The following LRRC4C variants were observed in gnomAD, a reference collection of about 807,000 sequenced individuals.
LRRC4C encodes leucine-rich repeat-containing protein 4C.
In LRRC4C, 5 loss-of-function variants were observed where a neutral mutation model predicts 33.6. That is an observed-to-expected ratio of 0.15 (90% CI 0.08 to 0.31). The LOEUF (loss-of-function observed/expected upper bound fraction) is 0.31. Among genes scored for constraint, LRRC4C ranks in the 10% least tolerant of loss-of-function variants. The pLI, the probability that LRRC4C is intolerant of heterozygous loss-of-function variation, is 1.00. For synonymous variants in LRRC4C, 329 were observed against 302.0 expected, an observed-to-expected ratio of 1.09 and a Z score of -0.93; for missense variants, 560 against 796.7, an observed-to-expected ratio of 0.70 and a Z score of 3.58.
intron 3 of LRRC4C, among the ~76,000 whole-genome samples, chr11:40,547,685 C>T (rs1358636809): frequency 6.6e-6 from 1 of 152,040 alleles, no homozygotes; most frequent in Non-Finnish European, 1.5e-5. Context: ...TGAACTTAAA[C>T]ACCCTATAGG....
intron 2 of LRRC4C, among the ~76,000 whole-genome samples, chr11:40,662,321 T>C (rs546404442): frequency 1.3e-5 from 2 of 152,156 alleles, no homozygotes; most frequent in African/African-American, 4.8e-5. Flanking sequence ...CAGGAATGCA[T>C]GTGGACACTC....
At chr11:40,592,136 G>C (rs1959087663) in intron 3 of LRRC4C, among the ~76,000 whole-genome samples, 1 of 152,238 alleles carries the variant, frequency 6.6e-6, no homozygotes, top group Admixed American at 6.5e-5. Context: ...AACCCAGAAA[G>C]CAGCCCTCCC....
At chr11:41,448,504 C>T (rs1435768259) in intron 1 of LRRC4C, among the ~76,000 whole-genome samples, 1 of 151,860 alleles carries the variant, frequency 6.6e-6, no homozygotes, top group African/African-American at 2.4e-5. Context: ...TGGGGTTTCA[C>T]CATGTTTGCC....
intron 1 of LRRC4C, among the ~76,000 whole-genome samples, chr11:41,376,511 G>T (rs1174406479): frequency 1.3e-5 from 2 of 152,124 alleles, no homozygotes; most frequent in Non-Finnish European, 2.9e-5. Flanking sequence ...AATAATGATT[G>T]TAAAATTTGG....
Position 40,838,882 on chromosome 11 carries a change from C to T in LRRC4C, c.-407+94753G>A, listed in dbSNP as rs1252348060. 5.3e-5 allele frequency among the ~76,000 whole-genome samples: 8 copies of T among 151,902 alleles called. No individual in the cohort carries two copies. In the South Asian group the frequency reaches 6.2e-4, roughly 12 times the overall value. On this transcript the variant is annotated intron_variant, in intron 2 of 6. Transcript: ENST00000528697. ...AGAATAAATCCCTCATCCCTAATTC[C>T]GTCAACAATTGTTTCCTTGATAATC...
intron 2 of LRRC4C, among the ~76,000 whole-genome samples, chr11:40,889,867 A>G (rs1157306193): frequency 1.3e-5 from 2 of 152,180 alleles, no homozygotes; most frequent in East Asian, 3.8e-4. Flanking sequence ...ATATTATTTT[A>G]TAGATTAAAT....
Position 40,133,262 on chromosome 11 carries a change from T to C in LRRC4C, c.-43+7539A>G, listed in dbSNP as rs76007560. Among the ~76,000 whole-genome samples, 434 of 152,222 alleles carry C rather than the reference T, an allele frequency of 2.9e-3. 4 individuals are homozygous for C. Among genetic ancestry groups the C allele is most frequent in the African/African-American group, 9.9e-3 (411 of 41,538 alleles). On this transcript the variant is annotated intron_variant, in intron 6 of 6. Coordinates refer to ENST00000528697, the MANE Select transcript of LRRC4C (RefSeq NM_001258419.2). ...ACCAACAATATACCCAGAAGGTGTA[T>C]GGATTTTTATAATGAGCAATGCAAT...
intron 3 of LRRC4C, among the ~76,000 whole-genome samples, chr11:40,354,398 A>G (rs1352595187): frequency 6.6e-6 from 1 of 152,124 alleles, no homozygotes; most frequent in Non-Finnish European, 1.5e-5. Flanking sequence ...AAATCCAGGC[A>G]GGCTTATGTC....
intron 2 of LRRC4C, among the ~76,000 whole-genome samples, chr11:40,721,624 T>C (rs895360414): frequency 3.9e-5 from 6 of 152,174 alleles, no homozygotes; most frequent in Non-Finnish European, 7.4e-5. Flanking sequence ...AGATCACTTC[T>C]GGTCATCAGC....
At chr11:41,081,703 AT>A (rs1006606778) in intron 1 of LRRC4C, among the ~76,000 whole-genome samples, 10 of 152,170 alleles carry the variant, frequency 6.6e-5, no homozygotes, top group African/African-American at 1.4e-4. Flanking sequence ...AAACAAAAAA[AT>A]ATAAATGTTT....
At chr11:41,158,293 C>A (rs1235471699) in intron 1 of LRRC4C, among the ~76,000 whole-genome samples, 1 of 152,088 alleles carries the variant, frequency 6.6e-6, no homozygotes, top group African/African-American at 2.4e-5. Flanking sequence ...ACAGGTTACA[C>A]CACATCATTT....
intron 5 of LRRC4C, among the ~76,000 whole-genome samples, chr11:40,227,237 A>G (rs529749698): frequency 1.3e-5 from 2 of 152,324 alleles, no homozygotes; most frequent in Admixed American, 6.5e-5. Context: ...AATTGATTAA[A>G]TCAAATACAT....
chr11:40,636,001 A>G lies in LRRC4C; in HGVS notation c.-270+12141T>C, dbSNP rs556040626. Reference sequence around the variant, plus strand: ...AAACAATTCAAGAAGAAGGAACAACATAAGTAAAAAGAAGTTGCATAAAAA... The same window carrying G: ...AAACAATTCAAGAAGAAGGAACAACGTAAGTAAAAAGAAGTTGCATAAAAA... On this transcript the variant is annotated intron_variant, in intron 3 of 6. Transcript: ENST00000528697. Among the ~76,000 whole-genome samples, 15 of 152,260 alleles carry G rather than the reference A, an allele frequency of 9.9e-5. No homozygotes were observed. In the East Asian group the frequency reaches 1.5e-3, roughly 16 times the overall value.
intron 2 of LRRC4C, among the ~76,000 whole-genome samples, chr11:40,788,262 C>A (rs779706313): frequency 2.0e-5 from 3 of 152,098 alleles, no homozygotes; most frequent in Non-Finnish European, 4.4e-5. Flanking sequence ...ACATTCAAAG[C>A]AGCTTGGTAA....
At chr11:41,372,020 C>G (rs1294820599) in intron 1 of LRRC4C, among the ~76,000 whole-genome samples, 2 of 152,166 alleles carry the variant, frequency 1.3e-5, no homozygotes. Flanking sequence ...GCCTGTAGTC[C>G]CAGCTACTCA....
chr11:40,572,764 A>G (rs1442199048), intron 3 of LRRC4C, among the ~76,000 whole-genome samples: 2 of 152,146 alleles, frequency 1.3e-5, no homozygotes, highest in African/African-American at 4.8e-5. Context: ...CAGTGAGGGG[A>G]CTCATAGAAG....
intron 3 of LRRC4C, among the ~76,000 whole-genome samples, chr11:40,453,414 T>A (rs180837735): frequency 2.6e-5 from 4 of 152,202 alleles, no homozygotes; most frequent in African/African-American, 9.6e-5. Context: ...TTTTAAAACT[T>A]CCCGTGAAGA....
chr11:41,161,891 G>T (rs1292554206), intron 1 of LRRC4C, among the ~76,000 whole-genome samples: 1 of 152,130 alleles, frequency 6.6e-6, no homozygotes, highest in African/African-American at 2.4e-5. Flanking sequence ...CCTCTAGGTG[G>T]TTTCACCAAT....
intron 3 of LRRC4C, among the ~76,000 whole-genome samples, chr11:40,355,844 A>G (rs1250286606): frequency 6.6e-6 from 1 of 151,984 alleles, no homozygotes; most frequent in Non-Finnish European, 1.5e-5. Context: ...TAGTTGTTCA[A>G]TTTGGTGTTC....
Sources: gnomAD v4.1 joint callset for allele counts (sites outside exome capture counted in the v4.1 genomes callset) on GRCh38, gnomAD v4.1.1 for gene constraint, MANE v1.5 for transcripts, NCBI Gene and HGNC (gene_info 2026-07-23, HGNC 2026-07-21) for gene names.